Variants in CACNA1E observed in about 807,000 individuals in gnomAD.
CACNA1E encodes voltage-dependent R-type calcium channel subunit alpha-1E.
A neutral mutation model predicts 259.2 loss-of-function variants in CACNA1E; 40 were observed. That is an observed-to-expected ratio of 0.15 (90% CI 0.12 to 0.20). CACNA1E has a LOEUF of 0.20. Ranked by LOEUF, CACNA1E falls within the 10% of genes least tolerant of loss-of-function variation. The pLI is 1.00. For missense variants in CACNA1E, 1,874 were observed against 3,040.1 expected (o/e 0.62, Z 9.02); for synonymous variants, 1,104 against 1,138.5 (o/e 0.97, Z 0.61).
intron 2 of CACNA1E, among the ~76,000 whole-genome samples, chr1:181,461,061 T>C (rs1661769625): frequency 6.6e-6 from 1 of 152,218 alleles, no homozygotes. Context: ...AGCCCTCACC[T>C]GGTAGACTTC....
chr1:181,402,096 C>G (rs189837491), intron 1 of CACNA1E, among the ~76,000 whole-genome samples: 2 of 152,308 alleles, frequency 1.3e-5, no homozygotes, highest in Non-Finnish European at 2.9e-5. Context: ...AGAAGGTGAT[C>G]TGCTAACACA....
At chr1:181,342,374 G>A (rs1259285414) in intron 1 of CACNA1E, among the ~76,000 whole-genome samples, 1 of 151,954 alleles carries the variant, frequency 6.6e-6, no homozygotes, top group East Asian at 1.9e-4. Context: ...GACTATTTTG[G>A]CACCAAGAGA....
At chr1:181,745,918 G>C (rs1304182517) in intron 25 of CACNA1E, among the ~76,000 whole-genome samples, 3 of 152,210 alleles carry the variant, frequency 2.0e-5, no homozygotes, top group Non-Finnish European at 2.9e-5. Flanking sequence ...ACACCTGCCA[G>C]TTGGAGTATG....
chr1:181,370,139 T>C (rs1216768501), intron 1 of CACNA1E, among the ~76,000 whole-genome samples: 1 of 152,200 alleles, frequency 6.6e-6, no homozygotes. Flanking sequence ...AAAAACAAAA[T>C]TAAAATACAA....
At chr1:181,468,054 A>G (rs1471030830) in intron 2 of CACNA1E, among the ~76,000 whole-genome samples, 1 of 152,152 alleles carries the variant, frequency 6.6e-6, no homozygotes, top group Non-Finnish European at 1.5e-5. Flanking sequence ...TATCTGCAAC[A>G]TGGAGGGGTT....
chr1:181,327,336 A>G (rs1650875027), intron 1 of CACNA1E, among the ~76,000 whole-genome samples: 2 of 152,014 alleles, frequency 1.3e-5, no homozygotes, highest in African/African-American at 4.8e-5. Context: ...GTACCCACCA[A>G]CTCCTCTCAG....
intron 2 of CACNA1E, among the ~76,000 whole-genome samples, chr1:181,456,117 G>A (rs1302208624): frequency 6.6e-6 from 1 of 152,162 alleles, no homozygotes; most frequent in Non-Finnish European, 1.5e-5. Flanking sequence ...ATGAGGAGAA[G>A]GACCAGGTCC....
intron 7 of CACNA1E, among the ~76,000 whole-genome samples, chr1:181,653,842 G>A (rs1173842126): frequency 6.6e-6 from 1 of 152,200 alleles, no homozygotes; most frequent in Admixed American, 6.5e-5. Context: ...CCAGGACTTA[G>A]GATGTGAACA....
intron 1 of CACNA1E, among the ~76,000 whole-genome samples, chr1:181,371,189 T>G (rs1326126572): frequency 6.6e-6 from 1 of 152,226 alleles, no homozygotes; most frequent in Non-Finnish European, 1.5e-5. Flanking sequence ...GAATGCATAG[T>G]TCATGAATAT....
intron 6 of CACNA1E, among the ~76,000 whole-genome samples, chr1:181,605,726 ATT>A (rs912540355): frequency 4.6e-5 from 7 of 152,108 alleles, no homozygotes; most frequent in Non-Finnish European, 8.8e-5. Flanking sequence ...GTCCTGGGCT[ATT>A]TTGGGTGGGA....
At chr1:181,428,178 A>G (rs1409477985) in intron 2 of CACNA1E, among the ~76,000 whole-genome samples, 2 of 152,028 alleles carry the variant, frequency 1.3e-5, no homozygotes, top group African/African-American at 4.8e-5. Flanking sequence ...ACTTCTCTCA[A>G]CACCCCTCCT....
At chr1:181,446,221 C>CG (rs1013052740) in intron 2 of CACNA1E, among the ~76,000 whole-genome samples, 1 of 152,108 alleles carries the variant, frequency 6.6e-6, no homozygotes, top group African/African-American at 2.4e-5. Flanking sequence ...CTGGAGTCTC[C>CG]CAATATCTGT....
chr1:181,580,860 G>A (rs1651445444), intron 6 of CACNA1E, 84 bp downstream of exon 6: 20 of 1,247,902 alleles, frequency 1.6e-5, no homozygotes, highest in Admixed American at 1.1e-4. Context: ...TGGCTAGTCC[G>A]GGGACAGGGA....
intron 1 of CACNA1E, among the ~76,000 whole-genome samples, chr1:181,351,046 G>T (rs1244846494): frequency 6.6e-6 from 1 of 152,222 alleles, no homozygotes; most frequent in African/African-American, 2.4e-5. Context: ...GACTCTTTTG[G>T]AGACTGGGTT....
chr1:181,717,175 C>T lies in CACNA1E; in HGVS notation c.1398C>T (p.Arg466=). The stretch of plus-strand genomic sequence containing the variant: ...TCCGGCACAAGGAAAGGCTTCTGCG[C>T]ATCTCCATTCGCCACATGGTTAAAT... The part of the protein sequence containing the change: ...SYFRHKERLL[R]ISIRHMVKSQ... Residue 466 remains arginine, a synonymous_variant, in exon 11 of 48, where the codon CGC becomes CGT. Transcript: ENST00000367573. 2 of 1,614,016 alleles carry T rather than the reference C, an allele frequency of 1.2e-6. No homozygotes were observed. Among genetic ancestry groups the T allele is most frequent in the South Asian group, 1.1e-5 (1 of 91,082 alleles).
intron 7 of CACNA1E, among the ~76,000 whole-genome samples, chr1:181,653,551 T>C (rs1171479030): frequency 1.3e-5 from 2 of 152,220 alleles, no homozygotes; most frequent in African/African-American, 4.8e-5. Context: ...GAAAATGGAC[T>C]AATACAGCTG....
chr1:181,586,422 A>G (rs1652068772), intron 6 of CACNA1E, among the ~76,000 whole-genome samples: 2 of 152,152 alleles, frequency 1.3e-5, no homozygotes, highest in Non-Finnish European at 2.9e-5. Context: ...GGAAGTGAAT[A>G]TAGACAGGGA....
At chr1:181,544,001 A>C (rs1668790828) in intron 3 of CACNA1E, among the ~76,000 whole-genome samples, 1 of 152,244 alleles carries the variant, frequency 6.6e-6, no homozygotes, top group African/African-American at 2.4e-5. Flanking sequence ...ATATACCCAT[A>C]CAAAAAGTTG....
At chr1:181,508,217 C>G (rs1558067878) in intron 1 of CACNA1E, among the ~76,000 whole-genome samples, 1 of 151,554 alleles carries the variant, frequency 6.6e-6, no homozygotes, top group Non-Finnish European at 1.5e-5. Context: ...TTAAAGGCCC[C>G]AAGAAGTCCT....
Sources: gnomAD v4.1 joint callset for allele counts (sites outside exome capture counted in the v4.1 genomes callset) on GRCh38, gnomAD v4.1.1 for gene constraint, MANE v1.5 for transcripts, NCBI Gene and HGNC (gene_info 2026-07-23, HGNC 2026-07-21) for gene names.